CD38: variants seen among roughly 807,000 people sequenced by gnomAD.
CD38 encodes ADP-ribosyl cyclase/cyclic ADP-ribose hydrolase 1.
A neutral mutation model predicts 36.3 loss-of-function variants in CD38; 31 were observed. The ratio of observed to expected loss-of-function variants is 0.85; its 90% CI spans 0.64 to 1.15. The LOEUF (loss-of-function observed/expected upper bound fraction) is 1.15. Ranked by LOEUF, CD38 falls within the 50% of genes most tolerant of loss-of-function variation. The pLI, the probability that CD38 is intolerant of heterozygous loss-of-function variation, is 0.00. For missense variants in CD38, 380 were observed against 371.9 expected (o/e 1.02, Z -0.18); for synonymous variants, 131 against 135.2 (o/e 0.97, Z 0.22).
intron 1 of CD38, among the ~76,000 whole-genome samples, chr4:15,811,044 G>A (rs6449193): frequency 0.44 from 66,976 of 151,990 alleles, 17,125 homozygotes; most frequent in African/African-American, 0.72. Flanking sequence ...GCATTTTTAT[G>A]TGTGTTTATT....
chr4:15,796,853 T>C (rs1472187610), intron 1 of CD38, among the ~76,000 whole-genome samples: 1 of 152,164 alleles, frequency 6.6e-6, no homozygotes, highest in East Asian at 1.9e-4. Flanking sequence ...ACTTTACAAA[T>C]TTACTATACT....
At chr4:15,847,685 G>C (rs72616193) in intron 7 of CD38, among the ~76,000 whole-genome samples, 1 of 133,132 alleles carries the variant, frequency 7.5e-6, no homozygotes, top group South Asian at 2.6e-4. Flanking sequence ...GGAGAAAATA[G>C]AATAGTAGAA....
At chr4:15,819,446 A>C (rs2148922989) in intron 2 of CD38, among the ~76,000 whole-genome samples, 1 of 152,302 alleles carries the variant, frequency 6.6e-6, no homozygotes, top group East Asian at 1.9e-4. Flanking sequence ...ATAATAATGA[A>C]ATTCACTGAG....
At chr4:15,836,835 C>A (rs889609622) in intron 4 of CD38, among the ~76,000 whole-genome samples, 1 of 152,166 alleles carries the variant, frequency 6.6e-6, no homozygotes, top group Non-Finnish European at 1.5e-5. Context: ...CATAAGGAGA[C>A]CATGTTTAAA....
chr4:15,806,329 C>G (rs535930683), intron 1 of CD38, among the ~76,000 whole-genome samples: 1 of 152,262 alleles, frequency 6.6e-6, no homozygotes, highest in South Asian at 2.1e-4. Context: ...AGAACCAATC[C>G]TATTCTGTGG....
chr4:15,827,217 A>G (rs1723868863), intron 3 of CD38, among the ~76,000 whole-genome samples: 1 of 152,174 alleles, frequency 6.6e-6, no homozygotes, highest in Admixed American at 6.5e-5. Flanking sequence ...GACTAACTTG[A>G]GAAACTTTGC....
chr4:15,842,219 G>T (rs1182749778), intron 7 of CD38, among the ~76,000 whole-genome samples: 1 of 116,030 alleles, frequency 8.6e-6, no homozygotes, highest in Non-Finnish European at 1.7e-5. Context: ...ATCTGAGAAC[G>T]GGCAGACTGC....
intron 1 of CD38, among the ~76,000 whole-genome samples, chr4:15,799,611 T>C (rs2148918157): frequency 6.6e-6 from 1 of 152,358 alleles, no homozygotes; most frequent in East Asian, 1.9e-4. Flanking sequence ...TGTGTATATA[T>C]CACAATTTGT....
chr4:15,822,283 A>G (rs1033595991), intron 2 of CD38, among the ~76,000 whole-genome samples: 2 of 152,170 alleles, frequency 1.3e-5, no homozygotes, highest in African/African-American at 4.8e-5. Flanking sequence ...AAACCGGCAC[A>G]AGACAAGGAT....
chr4:15,849,903 T>C lies in CD38; in HGVS notation c.*1301T>C, dbSNP rs1724349286. 1 of 152,226 alleles carries C rather than the reference T, an allele frequency of 6.6e-6. No individual in the cohort carries two copies. The highest frequency in any genetic ancestry group is 2.1e-4 in the South Asian group (1 of 4,836). 9.4% of individuals were successfully genotyped at this position (152,226 alleles called of 1,614,324 possible). On this transcript the variant is annotated 3_prime_UTR_variant, in exon 8 of 8. Transcript: ENST00000226279. The stretch of plus-strand genomic sequence containing the variant: ...TGAGTTCTGCTTTAGCTGCAGCTCT[T>C]ATGTTTTGATATGCCTCTCTTTATT...
At chr4:15,820,608 A>T (rs1272417924) in intron 2 of CD38, among the ~76,000 whole-genome samples, 2 of 152,184 alleles carry the variant, frequency 1.3e-5, no homozygotes, top group Non-Finnish European at 2.9e-5. Flanking sequence ...TTACATAAGG[A>T]TAAAGGGGTA....
Position 15,787,895 on chromosome 4 carries a change from G to GA in CD38, c.233+9249dup, listed in dbSNP as rs1362318876. ...TAACATTGTTGTTCCGCCGTGCAGGGAGCAGTCTCGCCAGAGGATGATGAA... is the reference window on the plus strand; with the variant it reads ...TAACATTGTTGTTCCGCCGTGCAGGGAAGCAGTCTCGCCAGAGGATGATGAA... On this transcript the variant is annotated intron_variant, in intron 1 of 7. Transcript: ENST00000226279. Among the ~76,000 whole-genome samples the GA allele has an allele frequency of 4.6e-5, 7 of 152,208 alleles. 1 individual carries two copies. In the South Asian group the frequency reaches 1.0e-3, roughly 22 times the overall value.
chr4:15,809,418 G>A (rs1723417013), intron 1 of CD38, among the ~76,000 whole-genome samples: 1 of 152,204 alleles, frequency 6.6e-6, no homozygotes, highest in Non-Finnish European at 1.5e-5. Context: ...TTTGCGAAAT[G>A]AAGGGGTTTC....
chr4:15,833,101 C>A (rs1480454570), intron 3 of CD38, among the ~76,000 whole-genome samples: 2 of 152,154 alleles, frequency 1.3e-5, no homozygotes, highest in Non-Finnish European at 2.9e-5. Flanking sequence ...GCTGCCTGGC[C>A]TGGGACTCAC....
At chr4:15,833,123 G>A (rs1252072002) in intron 3 of CD38, among the ~76,000 whole-genome samples, 1 of 152,150 alleles carries the variant, frequency 6.6e-6, no homozygotes, top group African/African-American at 2.4e-5. Flanking sequence ...CTTCAAAGCA[G>A]TGGGCTCCCC....
intron 1 of CD38, among the ~76,000 whole-genome samples, chr4:15,784,230 A>T (rs1299193580): frequency 2.0e-5 from 3 of 152,234 alleles, no homozygotes; most frequent in Non-Finnish European, 4.4e-5. Flanking sequence ...TGAATATGTG[A>T]GTGGAGTACC....
At chr4:15,820,288 A>G (rs1268391648) in intron 2 of CD38, among the ~76,000 whole-genome samples, 2 of 152,198 alleles carry the variant, frequency 1.3e-5, no homozygotes, top group African/African-American at 2.4e-5. Flanking sequence ...TACGTAAACA[A>G]ATCTTCACAA....
chr4:15,792,588 A>G (rs1468088228), intron 1 of CD38, among the ~76,000 whole-genome samples: 1 of 152,106 alleles, frequency 6.6e-6, no homozygotes, highest in Non-Finnish European at 1.5e-5. Context: ...CCATTACCCA[A>G]CTTCAACAAC....
Position 15,816,719 on chromosome 4 carries a change from A to G in CD38, c.363+79A>G, listed in dbSNP as rs78783050. ...CAATTCATAGGTCCAAATTTTTATTAGAATGAAGGAAGAGGAAAAATCCAG... is the reference window on the plus strand; with the variant it reads ...CAATTCATAGGTCCAAATTTTTATTGGAATGAAGGAAGAGGAAAAATCCAG... On this transcript the variant is annotated intron_variant, in intron 2 of 7. Transcript: ENST00000226279. 1,269 of 1,458,080 alleles carry G rather than the reference A, an allele frequency of 8.7e-4. 12 individuals carry two copies. The African/African-American group carries it at 0.016, about 19-fold the overall frequency. 90.3% of individuals were successfully genotyped at this position (1,458,080 alleles called of 1,614,324 possible).
Sources: gnomAD v4.1 joint callset for allele counts (sites outside exome capture counted in the v4.1 genomes callset) on GRCh38, gnomAD v4.1.1 for gene constraint, MANE v1.5 for transcripts, NCBI Gene and HGNC (gene_info 2026-07-23, HGNC 2026-07-21) for gene names.